The following CBLB variants were observed in gnomAD, a reference collection of about 807,000 sequenced individuals.
CBLB encodes E3 ubiquitin-protein ligase CBL-B.
In CBLB, 31 loss-of-function variants were observed where a neutral mutation model predicts 104.9. The observed-to-expected ratio is 0.30, with a 90% CI of 0.22 to 0.40. The LOEUF is 0.40. Among genes scored for constraint, CBLB ranks in the 10% least tolerant of loss-of-function variants. The probability of loss-of-function intolerance (pLI) is 1.00; values close to 1 mark genes in which losing one functional copy is unlikely to be tolerated. For missense variants in CBLB, 1,062 were observed against 1,214.6 expected (o/e 0.87, Z 1.87); for synonymous variants, 440 against 422.6 (o/e 1.04, Z -0.51).
intron 3 of CBLB, among the ~76,000 whole-genome samples, chr3:105,793,493 A>T (rs1168864766): frequency 6.6e-6 from 1 of 152,180 alleles, no homozygotes; most frequent in Admixed American, 6.5e-5. Context: ...ACAAAAAAAA[A>T]AAAAAAAAGG....
intron 12 of CBLB, among the ~76,000 whole-genome samples, chr3:105,701,608 C>T (rs2069120916): frequency 6.6e-6 from 1 of 151,936 alleles, no homozygotes; most frequent in Non-Finnish European, 1.5e-5. Context: ...ACTAAAAATA[C>T]AAAAATTAGC....
chr3:105,733,968 AG>A (rs2074624849), intron 9 of CBLB, 40 bp downstream of exon 9: 2 of 1,585,274 alleles, frequency 1.3e-6, no homozygotes, highest in Non-Finnish European at 8.7e-7. Flanking sequence ...AAATATTAGT[AG>A]GACATATAAG....
At chr3:105,821,074 C>A (rs2085774662) in intron 3 of CBLB, among the ~76,000 whole-genome samples, 2 of 151,964 alleles carry the variant, frequency 1.3e-5, no homozygotes, top group Admixed American at 1.3e-4. Flanking sequence ...TATACAAATA[C>A]AAAATAAGAA....
intron 12 of CBLB, among the ~76,000 whole-genome samples, chr3:105,694,906 C>T (rs1306866023): frequency 6.6e-6 from 1 of 151,538 alleles, no homozygotes; most frequent in Non-Finnish European, 1.5e-5. Context: ...CTGAAGTGTG[C>T]CAGAAAGAAG....
At chr3:105,773,294 C>T (rs1409106724) in intron 4 of CBLB, among the ~76,000 whole-genome samples, 3 of 152,050 alleles carry the variant, frequency 2.0e-5, no homozygotes, top group African/African-American at 7.2e-5. Flanking sequence ...AAATAGAAAA[C>T]CAAATATCGT....
At chr3:105,685,686 C>T (rs936285854) in intron 13 of CBLB, among the ~76,000 whole-genome samples, 5 of 152,084 alleles carry the variant, frequency 3.3e-5, no homozygotes, top group Admixed American at 6.5e-5. Context: ...TTCATCCTCA[C>T]AATTTTAAAT....
At chr3:105,811,350 T>C (rs1334310872) in intron 3 of CBLB, among the ~76,000 whole-genome samples, 4 of 152,230 alleles carry the variant, frequency 2.6e-5, no homozygotes, top group African/African-American at 2.4e-5. Context: ...ACAGAATTCA[T>C]GGCTGTTGGG....
chr3:105,734,514 T>C (rs1315279585), intron 8 of CBLB, among the ~76,000 whole-genome samples: 3 of 135,402 alleles, frequency 2.2e-5, no homozygotes, highest in South Asian at 2.6e-4. Context: ...CATGCTCATA[T>C]AATTTAACTG....
intron 3 of CBLB, among the ~76,000 whole-genome samples, chr3:105,794,809 A>AGT (rs2082072207): frequency 6.6e-6 from 1 of 152,206 alleles, no homozygotes; most frequent in Non-Finnish European, 1.5e-5. Flanking sequence ...ACCAAAACAG[A>AGT]GTATATACAT....
At chr3:105,847,968 A>G (rs1045791241) in intron 3 of CBLB, among the ~76,000 whole-genome samples, 1 of 152,004 alleles carries the variant, frequency 6.6e-6, no homozygotes, top group Non-Finnish European at 1.5e-5. Context: ...CCTTTTCTCT[A>G]TGCTTCAAAC....
At chr3:105,856,476 A>G (rs1467441029) in intron 2 of CBLB, among the ~76,000 whole-genome samples, 1 of 151,896 alleles carries the variant, frequency 6.6e-6, no homozygotes, top group East Asian at 1.9e-4. Context: ...CTAATTTAAG[A>G]TGTTTTTCAC....
intron 3 of CBLB, among the ~76,000 whole-genome samples, chr3:105,823,171 T>G (rs1189021604): frequency 6.6e-6 from 1 of 152,200 alleles, no homozygotes; most frequent in Non-Finnish European, 1.5e-5. Context: ...GTCTCTGACA[T>G]TCTTCCTGCT....
chr3:105,747,490 A>G (rs1343671289), intron 5 of CBLB, among the ~76,000 whole-genome samples: 1 of 152,190 alleles, frequency 6.6e-6, no homozygotes, highest in African/African-American at 2.4e-5. Flanking sequence ...CTTTTTCAAC[A>G]TAACAAGAAA....
intron 1 of CBLB, chr3:105,868,131 T>TC: frequency 3.4e-6 from 3 of 878,368 alleles, no homozygotes; most frequent in Admixed American, 8.3e-5. Context: ...GCAGGGCATG[T>TC]CCCACACTAA....
At chr3:105,700,497 T>G (rs898101099) in intron 12 of CBLB, among the ~76,000 whole-genome samples, 6 of 152,076 alleles carry the variant, frequency 3.9e-5, no homozygotes, top group African/African-American at 1.4e-4. Flanking sequence ...CCTGAAAATT[T>G]TTGAAAATGA....
intron 9 of CBLB, among the ~76,000 whole-genome samples, chr3:105,726,502 C>T (rs1456958605): frequency 1.3e-5 from 2 of 150,812 alleles, no homozygotes; most frequent in African/African-American, 4.9e-5. Context: ...ATGAAGAACA[C>T]AGTTTGGGGT....
chr3:105,742,192 G>T, intron 6 of CBLB, among the ~76,000 whole-genome samples: 1 of 152,234 alleles, frequency 6.6e-6, no homozygotes, highest in Non-Finnish European at 1.5e-5. Flanking sequence ...ACTTAAATCT[G>T]TTGGCTATAT....
chr3:105,853,096 T>A (rs981793740), intron 3 of CBLB, among the ~76,000 whole-genome samples: 1 of 152,204 alleles, frequency 6.6e-6, no homozygotes, highest in African/African-American at 2.4e-5. Context: ...GTGTTACAAC[T>A]GCCCACAGTA....
intron 13 of CBLB, among the ~76,000 whole-genome samples, chr3:105,690,062 G>T (rs2067482697): frequency 6.6e-6 from 1 of 152,076 alleles, no homozygotes; most frequent in Admixed American, 6.5e-5. Context: ...ATGTAAATGG[G>T]AATCAGAGTA....
Sources: allele counts gnomAD v4.1 joint callset (sites outside exome capture counted in the v4.1 genomes callset), GRCh38; gene constraint gnomAD v4.1.1; transcripts MANE v1.5; gene names NCBI Gene and HGNC (gene_info 2026-07-23, HGNC 2026-07-21).